RNF216: variants seen among roughly 807,000 people sequenced by gnomAD.
RNF216 encodes the protein E3 ubiquitin-protein ligase RNF216.
A neutral mutation model predicts 110.8 loss-of-function variants in RNF216; 72 were observed. The observed-to-expected ratio is 0.65, with a 90% CI of 0.54 to 0.79. The LOEUF (loss-of-function observed/expected upper bound fraction) is 0.79. Ranked by LOEUF, RNF216 falls within the 30% of genes least tolerant of loss-of-function variation. The pLI, the probability that RNF216 is intolerant of heterozygous loss-of-function variation, is 0.00. For missense variants in RNF216, 1,342 were observed against 1,141.2 expected, an observed-to-expected ratio of 1.18 and a Z score of -2.54; for synonymous variants, 495 against 407.5, an observed-to-expected ratio of 1.21 and a Z score of -2.59.
intron 15 of RNF216, among the ~76,000 whole-genome samples, chr7:5,633,556 C>T (rs1010591946): frequency 8.5e-5 from 13 of 152,094 alleles, no homozygotes; most frequent in African/African-American, 2.4e-4. Context: ...GCCTGGGCGA[C>T]AGAGGGAGAC....
At position 5,741,419 on chromosome 7, in the gene RNF216, A is replaced by T; in HGVS notation, c.598T>A (p.Ser200Thr). 1 of 1,614,124 alleles carries T rather than the reference A, an allele frequency of 6.2e-7. No homozygotes were observed. Among genetic ancestry groups the T allele is most frequent in the East Asian group, 2.2e-5 (1 of 44,890 alleles). The change falls in exon 4 of 17, where the codon TCA (serine) becomes ACA (threonine). Residue 200 changes from serine to threonine, a missense_variant. Physicochemically the swap from Ser to Thr is moderately conservative, Grantham distance 58. Coordinates refer to ENST00000389902, the MANE Select transcript of RNF216 (RefSeq NM_207111.4). ...AGCTCTGTCTCTGAGTCTTCGGATG[A>T]CTGGTTCTGAGTTTCCAAAGGATCG... ...ESDPLETQNQ[S>T]SEDSETELLS...
chr7:5,666,867 T>C (rs982679435), intron 13 of RNF216, among the ~76,000 whole-genome samples: 15 of 143,156 alleles, frequency 1.0e-4, no homozygotes, highest in Non-Finnish European at 1.8e-4. Flanking sequence ...CAGGCTGGGG[T>C]GCAGTCAGTG....
intron 5 of RNF216, among the ~76,000 whole-genome samples, chr7:5,732,017 C>CG (rs1794121535): frequency 6.6e-6 from 1 of 152,180 alleles, no homozygotes; most frequent in African/African-American, 2.4e-5. Flanking sequence ...GTCCCATATA[C>CG]TCTTCATCTC....
intron 1 of RNF216, among the ~76,000 whole-genome samples, chr7:5,779,438 C>A (rs562153695): frequency 1.9e-4 from 29 of 152,194 alleles, no homozygotes; most frequent in Admixed American, 1.9e-3. Flanking sequence ...TTATGAAATA[C>A]AAAACCAAGG....
chr7:5,643,948 C>T (rs546952732), intron 14 of RNF216, among the ~76,000 whole-genome samples: 1 of 152,274 alleles, frequency 6.6e-6, no homozygotes, highest in South Asian at 2.1e-4. Flanking sequence ...GGAAATCACA[C>T]GTGTGTTTTT....
intron 2 of RNF216, among the ~76,000 whole-genome samples, chr7:5,759,958 T>C (rs1282603954): frequency 1.3e-5 from 2 of 152,014 alleles, no homozygotes; most frequent in African/African-American, 4.8e-5. Context: ...TAAGGTCAAA[T>C]GTAATTTACT....
rs1004066069 is a variant in RNF216 at position 5,696,361 on chromosome 7, C to T, written c.2061+15400G>A. ...TTAAGCTTATTCGACATGCCTTCGG[C>T]TGGAAAACAAGCCTTTTTAAATGAC... On this transcript the variant is annotated intron_variant, in intron 13 of 16. Coordinates refer to ENST00000389902, the MANE Select transcript of RNF216 (RefSeq NM_207111.4). The surrounding 1 kb of genome is among the most constrained non-coding windows in gnomAD (Gnocchi z 5.4). Among the ~76,000 whole-genome samples the T allele has an allele frequency of 6.6e-6, 1 of 152,208 alleles. No individual in the cohort carries two copies. The highest frequency in any genetic ancestry group is 1.5e-5 in the Non-Finnish European group (1 of 68,042).
chr7:5,659,034 G>A (rs1788928634), intron 13 of RNF216, among the ~76,000 whole-genome samples: 1 of 152,156 alleles, frequency 6.6e-6, no homozygotes, highest in Admixed American at 6.5e-5. Context: ...AGAGATGAGG[G>A]TGAGAGAGAA....
chr7:5,694,555 T>C (rs1791512472), intron 13 of RNF216, among the ~76,000 whole-genome samples: 1 of 152,224 alleles, frequency 6.6e-6, no homozygotes, highest in African/African-American at 2.4e-5. Context: ...ACAGTCAGAA[T>C]TAAGGTAAGT....
chr7:5,688,921 C>T (rs1004673288), intron 13 of RNF216, among the ~76,000 whole-genome samples: 3 of 152,124 alleles, frequency 2.0e-5, no homozygotes, highest in African/African-American at 7.2e-5. Flanking sequence ...AGTCTGAACT[C>T]AAATGTTGAC....
In RNF216 at chr7:5,696,359, G is replaced by C. The variant is rs1388449336; in HGVS notation, c.2061+15402C>G. On this transcript the variant is annotated intron_variant, in intron 13 of 16. Coordinates refer to ENST00000389902, the MANE Select transcript of RNF216 (RefSeq NM_207111.4). The surrounding 1 kb of genome is among the most constrained non-coding windows in gnomAD (Gnocchi z 5.4). ...AATTAAGCTTATTCGACATGCCTTC[G>C]GCTGGAAAACAAGCCTTTTTAAATG... Among the ~76,000 whole-genome samples the C allele has an allele frequency of 1.3e-5, 2 of 152,272 alleles. No homozygotes were observed. The highest frequency in any genetic ancestry group is 4.8e-5 in the African/African-American group (2 of 41,548).
chr7:5,712,887 G>GA (rs764421731), intron 11 of RNF216, 24 bp from the exon 12 acceptor site: 500 of 1,555,934 alleles, frequency 3.2e-4, no homozygotes, highest in Admixed American at 4.8e-4. Flanking sequence ...AAAAGGCAAA[G>GA]AAAAAAAAAT....
intron 13 of RNF216, among the ~76,000 whole-genome samples, chr7:5,678,184 G>A (rs1449932903): frequency 6.6e-6 from 1 of 152,134 alleles, no homozygotes; most frequent in Admixed American, 6.5e-5. Flanking sequence ...TTACTTCTGA[G>A]GCTCTGGGGC....
At chr7:5,726,550 A>G (rs1793763305) in intron 7 of RNF216, among the ~76,000 whole-genome samples, 1 of 151,904 alleles carries the variant, frequency 6.6e-6, no homozygotes, top group Non-Finnish European at 1.5e-5. Context: ...GATTTCCCTT[A>G]TCAGGATTTA....
intron 15 of RNF216, among the ~76,000 whole-genome samples, chr7:5,633,153 A>G (rs1487501885): frequency 6.6e-6 from 1 of 151,838 alleles, no homozygotes; most frequent in Non-Finnish European, 1.5e-5. Flanking sequence ...TAATTTTTGT[A>G]GTTTTAGTAG....
intron 15 of RNF216, among the ~76,000 whole-genome samples, chr7:5,637,088 TG>T (rs901917201): frequency 2.6e-5 from 4 of 151,942 alleles, no homozygotes; most frequent in African/African-American, 9.7e-5. Flanking sequence ...TAGCTCCAGC[TG>T]AAAAAAAAAA....
chr7:5,699,879 C>G (rs554325704), intron 13 of RNF216, among the ~76,000 whole-genome samples: 58 of 152,326 alleles, frequency 3.8e-4, no homozygotes, highest in African/African-American at 1.2e-3. Flanking sequence ...TATTCTTTAT[C>G]TTTGTCTCAA....
At chr7:5,685,150 ATG>A (rs1790896737) in intron 13 of RNF216, among the ~76,000 whole-genome samples, 1 of 152,104 alleles carries the variant, frequency 6.6e-6, no homozygotes, top group Admixed American at 6.5e-5. Flanking sequence ...CTGGAGGCTC[ATG>A]GCCTCCAGTG....
chr7:5,631,173 C>T (rs1000284538), intron 15 of RNF216, among the ~76,000 whole-genome samples: 3 of 152,156 alleles, frequency 2.0e-5, no homozygotes, highest in Admixed American at 2.0e-4. Flanking sequence ...ACAGCCAAAA[C>T]GCAGAGCAAG....
Sources: gnomAD v4.1 joint callset for allele counts (sites outside exome capture counted in the v4.1 genomes callset) on GRCh38, gnomAD v4.1.1 for gene constraint, Gnocchi (gnomAD v3.1) non-coding constraint, MANE v1.5 for transcripts, NCBI Gene and HGNC (gene_info 2026-07-23, HGNC 2026-07-21) for gene names.